PEPD: variants seen among roughly 807,000 people sequenced by gnomAD.
PEPD encodes the protein xaa-Pro dipeptidase.
Under a neutral mutation model 60.7 loss-of-function variants are expected in PEPD, and 53 were observed. That is an observed-to-expected ratio of 0.87 (90% CI 0.70 to 1.10). The LOEUF is 1.10. Ranked by LOEUF, PEPD falls within the 50% of genes least tolerant of loss-of-function variation. The probability of loss-of-function intolerance (pLI) is 0.00; values close to 1 mark genes in which losing one functional copy is unlikely to be tolerated. For synonymous variants in PEPD, 267 were observed against 284.1 expected (o/e 0.94, Z 0.60); for missense variants, 711 against 711.9 (o/e 1.00, Z 0.01).
chr19:33,461,126 A>G (rs1375034935), intron 9 of PEPD, among the ~76,000 whole-genome samples: 2 of 152,196 alleles, frequency 1.3e-5, no homozygotes, highest in Non-Finnish European at 2.9e-5. Flanking sequence ...TGGTTATGTA[A>G]AAGTAGAAAA....
chr19:33,457,587 T>C (rs1403813280), intron 9 of PEPD, among the ~76,000 whole-genome samples: 1 of 152,222 alleles, frequency 6.6e-6, no homozygotes, highest in African/African-American at 2.4e-5. Context: ...AGAGGCTCAC[T>C]GCAACCTCCA....
chr19:33,424,634 G>A (rs1969102538), intron 9 of PEPD, among the ~76,000 whole-genome samples: 1 of 152,194 alleles, frequency 6.6e-6, no homozygotes, highest in African/African-American at 2.4e-5. Context: ...GAGTCCAGGA[G>A]TTTAAGCCCA....
chr19:33,467,616 A>G (rs1219769031), intron 7 of PEPD, among the ~76,000 whole-genome samples: 1 of 152,108 alleles, frequency 6.6e-6, no homozygotes, highest in African/African-American at 2.4e-5. Flanking sequence ...GGCAAATGGA[A>G]CCCATGGAAG....
chr19:33,511,118 G>A lies in PEPD; in HGVS notation c.239C>T (p.Pro80Leu), dbSNP rs769564664. The change falls in exon 3 of 15, where the codon CCA (proline) becomes CTA (leucine). Residue 80 changes from proline to leucine, a missense_variant. Coordinates refer to ENST00000244137, the MANE Select transcript of PEPD (RefSeq NM_000285.4). Reference sequence around the variant, plus strand: ...AACATCGATGACACCATAGCAGCCTGGCTCAGTGACACCGAACGCCCAGTG... The same window carrying A: ...AACATCGATGACACCATAGCAGCCTAGCTCAGTGACACCGAACGCCCAGTG... ...FFHWAFGVTE[P>L]GCYGVIDVDT... 1.2e-6 allele frequency: 2 copies of A among 1,613,980 alleles called. No homozygotes were observed. The highest frequency in any genetic ancestry group is 2.2e-5 in the South Asian group (2 of 91,080).
At chr19:33,500,802 G>A (rs1970692771) in intron 4 of PEPD, 136 bp downstream of exon 4, 2 of 754,636 alleles carry the variant, frequency 2.7e-6, no homozygotes, top group African/African-American at 1.7e-5. Flanking sequence ...GGGAGCACCT[G>A]CGGCGCAGGG....
At chr19:33,469,435 C>T (rs1970081655) in intron 7 of PEPD, among the ~76,000 whole-genome samples, 1 of 152,188 alleles carries the variant, frequency 6.6e-6, no homozygotes, top group South Asian at 2.1e-4. Context: ...TATCTACCCC[C>T]AACTTCTGCC....
At chr19:33,434,815 C>T (rs1481856705) in intron 9 of PEPD, among the ~76,000 whole-genome samples, 1 of 151,994 alleles carries the variant, frequency 6.6e-6, no homozygotes, top group Non-Finnish European at 1.5e-5. Context: ...CAGCAGAAGC[C>T]TGGCACATCA....
intron 9 of PEPD, among the ~76,000 whole-genome samples, chr19:33,444,207 C>T (rs117151089): frequency 5.3e-5 from 8 of 152,116 alleles, no homozygotes; most frequent in South Asian, 2.1e-4. Flanking sequence ...GTGCAATAAG[C>T]GCATACACCA....
chr19:33,510,475 T>C (rs977939638), intron 3 of PEPD, among the ~76,000 whole-genome samples: 8 of 152,192 alleles, frequency 5.3e-5, no homozygotes, highest in African/African-American at 1.9e-4. Flanking sequence ...GGGGATTGGT[T>C]TGACCACGCA....
intron 9 of PEPD, among the ~76,000 whole-genome samples, chr19:33,422,985 A>G (rs1201922908): frequency 6.6e-6 from 1 of 151,750 alleles, no homozygotes; most frequent in Non-Finnish European, 1.5e-5. Flanking sequence ...ATCTGTTTCT[A>G]TGTCTACCTA....
chr19:33,516,597 C>A (rs1971026689), intron 1 of PEPD, among the ~76,000 whole-genome samples: 1 of 152,134 alleles, frequency 6.6e-6, no homozygotes, highest in South Asian at 2.1e-4. Flanking sequence ...ACAACCCACA[C>A]CCCCGTATCA....
At chr19:33,398,301 G>A (rs1163115657) in intron 12 of PEPD, among the ~76,000 whole-genome samples, 1 of 152,248 alleles carries the variant, frequency 6.6e-6, no homozygotes, top group African/African-American at 2.4e-5. Context: ...GCCGCTGGGA[G>A]GCTCAGCCCC....
intron 9 of PEPD, among the ~76,000 whole-genome samples, chr19:33,416,913 C>T (rs769072154): frequency 1.3e-5 from 2 of 152,190 alleles, no homozygotes; most frequent in Non-Finnish European, 2.9e-5. Context: ...ACAAATGGGG[C>T]AGGAGCAGCA....
intron 9 of PEPD, among the ~76,000 whole-genome samples, chr19:33,427,547 G>A (rs147324583): frequency 3.3e-5 from 5 of 152,298 alleles, no homozygotes; most frequent in Middle Eastern, 3.4e-3. Context: ...TCCTCCAATC[G>A]GAGGATGCCA....
intron 7 of PEPD, among the ~76,000 whole-genome samples, chr19:33,466,939 C>G (rs867922065): frequency 1.3e-5 from 2 of 151,828 alleles, no homozygotes; most frequent in African/African-American, 4.8e-5. Context: ...GGGCAGATCA[C>G]GAGGTCAGGA....
At chr19:33,457,152 C>A (rs1040890120) in intron 9 of PEPD, among the ~76,000 whole-genome samples, 1 of 151,364 alleles carries the variant, frequency 6.6e-6, no homozygotes, top group Non-Finnish European at 1.5e-5. Context: ...GGGTGCCAGG[C>A]CGGGCATAGT....
chr19:33,453,538 AT>A (rs911425746), intron 9 of PEPD, among the ~76,000 whole-genome samples: 4 of 152,192 alleles, frequency 2.6e-5, no homozygotes, highest in African/African-American at 9.6e-5. Flanking sequence ...GTGTGTCAGC[AT>A]TTTTTAGCAA....
chr19:33,406,779 G>A (rs1250226192), intron 11 of PEPD, among the ~76,000 whole-genome samples: 1 of 152,216 alleles, frequency 6.6e-6, no homozygotes, highest in African/African-American at 2.4e-5. Flanking sequence ...TGAGGCCAAG[G>A]TGGCTGCTGA....
chr19:33,468,949 A>C (rs1485665019), intron 7 of PEPD, among the ~76,000 whole-genome samples: 3 of 152,122 alleles, frequency 2.0e-5, no homozygotes, highest in African/African-American at 7.2e-5. Flanking sequence ...TGGGCAGGAC[A>C]GGGGCCAGCA....
Sources: gnomAD v4.1 joint callset for allele counts (sites outside exome capture counted in the v4.1 genomes callset) on GRCh38, gnomAD v4.1.1 for gene constraint, MANE v1.5 for transcripts, NCBI Gene and HGNC (gene_info 2026-07-23, HGNC 2026-07-21) for gene names.